Variants in NEXMIF observed in about 807,000 individuals in gnomAD.
The protein encoded by NEXMIF is neurite extension and migration factor.
NEXMIF carries 8 observed loss-of-function variants against 62.1 expected under a neutral mutation model. The ratio of observed to expected loss-of-function variants is 0.13; its 90% CI spans 0.08 to 0.23. The LOEUF (loss-of-function observed/expected upper bound fraction) is 0.23, where lower values mean the gene tolerates loss of function less well. Ranked by LOEUF, NEXMIF falls within the 10% of genes least tolerant of loss-of-function variation. NEXMIF has a pLI of 1.00. For synonymous variants in NEXMIF, 404 were observed against 416.6 expected, an observed-to-expected ratio of 0.97 and a Z score of 0.37; for missense variants, 976 against 1,113.3, an observed-to-expected ratio of 0.88 and a Z score of 1.75.
chrX:74,874,296 T>G (rs1417694451), intron 1 of NEXMIF, among the ~76,000 whole-genome samples: 1 of 104,986 alleles, frequency 9.5e-6, no homozygotes, highest in Non-Finnish European at 1.9e-5. Flanking sequence ...AAAGATCAGA[T>G]AGTTGTAGAT....
At chrX:74,763,269 A>G (rs1017562944) in intron 1 of NEXMIF, among the ~76,000 whole-genome samples, 4 of 111,293 alleles carry the variant, frequency 3.6e-5, no homozygotes, top group African/African-American at 9.8e-5. Context: ...CAAAGATCAG[A>G]TGGTTGTAGA....
intron 1 of NEXMIF, among the ~76,000 whole-genome samples, chrX:74,888,392 G>T (rs2080705316): frequency 9.1e-6 from 1 of 110,030 alleles, no homozygotes; most frequent in Non-Finnish European, 1.9e-5. Flanking sequence ...GTCCCTTGCA[G>T]GGACATGGAT....
chrX:74,849,773 C>A (rs2080506551), intron 1 of NEXMIF, among the ~76,000 whole-genome samples: 2 of 112,471 alleles, frequency 1.8e-5, no homozygotes, highest in Non-Finnish European at 3.8e-5. Context: ...CAGTCACTGC[C>A]ACTGCTGGCT....
chrX:74,804,798 T>C (rs901530746), intron 1 of NEXMIF, among the ~76,000 whole-genome samples: 7 of 111,856 alleles, frequency 6.3e-5, no homozygotes, highest in Non-Finnish European at 1.1e-4. Context: ...CTGCGCCCAG[T>C]TCTGCACAAG....
intron 1 of NEXMIF, among the ~76,000 whole-genome samples, chrX:74,823,697 C>CAGATAGAT (rs60606226): frequency 0.022 from 2,209 of 101,703 alleles, 42 homozygotes; most frequent in African/African-American, 0.047. Context: ...CAGAGAAAGA[C>CAGATAGAT]AGATAGATAG....
chrX:74,892,424 A>C (rs1000120590), intron 1 of NEXMIF, among the ~76,000 whole-genome samples: 6 of 111,521 alleles, frequency 5.4e-5, no homozygotes, highest in African/African-American at 2.0e-4. Context: ...TACAGATATT[A>C]TTTTCCTCAT....
At chrX:74,839,925 T>C (rs1453904716) in intron 1 of NEXMIF, among the ~76,000 whole-genome samples, 2 of 111,882 alleles carry the variant, frequency 1.8e-5, no homozygotes, top group Non-Finnish European at 3.8e-5. Flanking sequence ...TCTGGGTATA[T>C]ACCCAGTCAT....
intron 1 of NEXMIF, among the ~76,000 whole-genome samples, chrX:74,796,190 TTA>T (rs1489336352): frequency 2.5e-4 from 14 of 56,685 alleles, no homozygotes; most frequent in East Asian, 1.2e-3. Flanking sequence ...TACATATATA[TTA>T]TATATATACA....
At chrX:74,863,999 A>G (rs995545335) in intron 1 of NEXMIF, among the ~76,000 whole-genome samples, 2 of 112,459 alleles carry the variant, frequency 1.8e-5, no homozygotes, top group Non-Finnish European at 3.7e-5. Flanking sequence ...AGACAGAACT[A>G]AAGACAAAAA....
chrX:74,902,222 G>A (rs753804110), intron 1 of NEXMIF, among the ~76,000 whole-genome samples: 4 of 109,726 alleles, frequency 3.6e-5, no homozygotes, highest in African/African-American at 1.3e-4. Context: ...TAAAGAAAAT[G>A]GAGAGTTTTT....
chrX:74,874,096 G>T (rs1400060402), intron 1 of NEXMIF, among the ~76,000 whole-genome samples: 1 of 107,828 alleles, frequency 9.3e-6, no homozygotes, highest in African/African-American at 3.4e-5. Context: ...GTAATGCCTA[G>T]GTTTTCTTCT....
In NEXMIF at chrX:74,826,123, A is replaced by G. The variant is rs746159796; in HGVS notation, c.-47-80426T>C. Reference sequence around the variant, plus strand: ...TTTTTTACAATGATTGAATTAATTTACACTCCTAACAACAGTGTATAAGTG... The same window carrying G: ...TTTTTTACAATGATTGAATTAATTTGCACTCCTAACAACAGTGTATAAGTG... On this transcript the variant is annotated intron_variant, in intron 1 of 3. Transcript: ENST00000055682. Among the ~76,000 whole-genome samples, 70 of 112,546 alleles carry G rather than the reference A, an allele frequency of 6.2e-4. 1 individual carries two copies. Among genetic ancestry groups the G allele is most frequent in the South Asian group, 1.8e-3 (5 of 2,725 alleles).
At chrX:74,852,288 C>T (rs2080517821) in intron 1 of NEXMIF, among the ~76,000 whole-genome samples, 1 of 111,462 alleles carries the variant, frequency 9.0e-6, no homozygotes, top group African/African-American at 3.3e-5. Context: ...AATACATATG[C>T]ACCCAACACC....
rs906583953 is a variant in NEXMIF at position 74,738,812 on chromosome X, C to T, written c.*593G>A. The T allele has an allele frequency of 8.4e-5, 9 of 107,600 alleles. No homozygotes were observed. Among genetic ancestry groups the T allele is most frequent in the African/African-American group, 3.0e-4 (9 of 29,532 alleles). The allele number at this position is 107,600 out of a possible 1,213,427, so 8.9% of individuals were successfully genotyped here. On this transcript the variant is annotated 3_prime_UTR_variant, in exon 4 of 4. Coordinates refer to ENST00000055682, the MANE Select transcript of NEXMIF (RefSeq NM_001008537.3). ...CCACACAGGACAGTAGAGTCTAAAA[C>T]TTTAAAAGAACGTGTGTGTGTGTAT...
intron 1 of NEXMIF, among the ~76,000 whole-genome samples, chrX:74,776,239 T>C (rs2080228043): frequency 8.9e-6 from 1 of 111,817 alleles, no homozygotes; most frequent in Non-Finnish European, 1.9e-5. Flanking sequence ...ACAGACAGTG[T>C]TTGCAGGTGA....
In NEXMIF at chrX:74,741,756, T is replaced by C. The variant is rs41306133; in HGVS notation, c.2801A>G (p.Asn934Ser). 17,307 of 1,209,520 alleles carry C rather than the reference T, an allele frequency of 0.014. 95 individuals carry two copies. The highest frequency in any genetic ancestry group is 0.016 in the Non-Finnish European group (14,670 of 894,725). ...GCCACCACTATTGAGACAGATTGGA[T>C]TGTATGTTGTAGGTGTGAGGTTATT... ...MENNLTPTTYNPICLNSGGSN... is the reference protein window; with the variant it reads ...MENNLTPTTYSPICLNSGGSN... Residue 934 changes from asparagine (N) to serine (S), a missense_variant, in exon 3 of 4, where the codon AAT becomes AGT. Asn to Ser is a conservative substitution (Grantham distance 46). This residue lies in a region of NEXMIF where 639 missense variants were observed against 694.5 expected (regional missense o/e 0.92). Transcript: ENST00000055682.
At chrX:74,859,191 AAAG>A (rs1250992528) in intron 1 of NEXMIF, among the ~76,000 whole-genome samples, 8 of 111,260 alleles carry the variant, frequency 7.2e-5, no homozygotes, top group Non-Finnish European at 1.3e-4. Context: ...GATTTTACCA[AAAG>A]AATACCTCAA....
intron 1 of NEXMIF, among the ~76,000 whole-genome samples, chrX:74,899,657 A>C (rs1339419344): frequency 8.9e-6 from 1 of 111,850 alleles, no homozygotes; most frequent in African/African-American, 3.3e-5. Flanking sequence ...CATACTACCC[A>C]AAGTGATCTA....
At chrX:74,856,967 G>GTAGAGCAGCCCTAAC (rs1258625583) in intron 1 of NEXMIF, among the ~76,000 whole-genome samples, 2 of 112,432 alleles carry the variant, frequency 1.8e-5, no homozygotes, top group Non-Finnish European at 3.8e-5. Flanking sequence ...GAGAACGCAT[G>GTAGAGCAGCCCTAAC]TAGAGCAGCC....
Sources: gnomAD v4.1 joint callset for allele counts (sites outside exome capture counted in the v4.1 genomes callset) on GRCh38, gnomAD v4.1.1 for gene constraint, gnomAD v4.1.1 regional missense constraint, MANE v1.5 for transcripts, NCBI Gene and HGNC (gene_info 2026-07-23, HGNC 2026-07-21) for gene names.